Variants in PRKN observed in about 807,000 individuals in gnomAD.
PRKN encodes the protein E3 ubiquitin-protein ligase parkin.
In PRKN, 56 loss-of-function variants were observed where a neutral mutation model predicts 59.5. That is an observed-to-expected ratio of 0.94 (90% confidence interval 0.76 to 1.18). The LOEUF is 1.18. PRKN is among the 50% of genes most tolerant of loss of function. The pLI is 0.00. For synonymous variants in PRKN, 250 were observed against 222.1 expected, an observed-to-expected ratio of 1.13 and a Z score of -1.12; for missense variants, 657 against 596.4, an observed-to-expected ratio of 1.10 and a Z score of -1.06.
At chr6:161,818,570 G>A (rs1791887632) in intron 6 of PRKN, among the ~76,000 whole-genome samples, 1 of 151,992 alleles carries the variant, frequency 6.6e-6, no homozygotes, top group Non-Finnish European at 1.5e-5. Context: ...CTGGACTAAA[G>A]CGATCCTCCT....
chr6:162,160,866 G>C (rs1308901666), intron 4 of PRKN, among the ~76,000 whole-genome samples: 2 of 122,728 alleles, frequency 1.6e-5, no homozygotes, highest in African/African-American at 6.3e-5. Flanking sequence ...ACTCCAGCCT[G>C]GGCAACACAG....
chr6:161,535,825 T>C (rs1210234954), intron 9 of PRKN, among the ~76,000 whole-genome samples: 1 of 152,120 alleles, frequency 6.6e-6, no homozygotes, highest in Non-Finnish European at 1.5e-5. Context: ...AGACATTTTA[T>C]GAGAGAGAGA....
chr6:162,352,370 C>A (rs1018981305), intron 2 of PRKN, among the ~76,000 whole-genome samples: 5 of 152,176 alleles, frequency 3.3e-5, no homozygotes, highest in Admixed American at 3.3e-4. Flanking sequence ...AAGCATACAA[C>A]AGAAAAGGCT....
intron 3 of PRKN, among the ~76,000 whole-genome samples, chr6:162,213,257 T>C (rs1431861457): frequency 1.3e-5 from 2 of 152,050 alleles, no homozygotes; most frequent in Non-Finnish European, 2.9e-5. Flanking sequence ...CAATAAATAT[T>C]GGGGGAAATC....
At chr6:161,874,639 T>C (rs1318165562) in intron 6 of PRKN, among the ~76,000 whole-genome samples, 1 of 10,868 alleles carries the variant, frequency 9.2e-5, no homozygotes, top group Non-Finnish European at 2.5e-4. Flanking sequence ...TATAAATATA[T>C]ATTACATATA....
intron 1 of PRKN, among the ~76,000 whole-genome samples, chr6:162,686,990 T>G (rs534692203): frequency 1.0e-3 from 159 of 152,258 alleles, no homozygotes; most frequent in Non-Finnish European, 1.9e-3. Flanking sequence ...TGTTTTGTTT[T>G]GCTTAGGCTT....
intron 7 of PRKN, among the ~76,000 whole-genome samples, chr6:161,643,637 C>A (rs1783820670): frequency 6.6e-6 from 1 of 152,172 alleles, no homozygotes; most frequent in African/African-American, 2.4e-5. Context: ...AACTATCTCT[C>A]AATAGCTAAG....
intron 7 of PRKN, among the ~76,000 whole-genome samples, chr6:161,680,761 ATATATATATATATATTT>A (rs1234464712): frequency 2.8e-3 from 28 of 9,880 alleles, no homozygotes; most frequent in African/African-American, 7.4e-3. Flanking sequence ...ATATATATAT[ATATATATATATATATTT>A]TTTTTTTTTT....
At position 161,391,436 on chromosome 6, in the gene PRKN, G is replaced by GTT. The variant is rs11400095; in HGVS notation, c.1084-4561_1084-4560dup. Among the ~76,000 whole-genome samples the GTT allele has an allele frequency of 6.3e-5, 9 of 143,606 alleles. No homozygotes were observed. Among genetic ancestry groups the GTT allele is most frequent in the South Asian group, 2.2e-4 (1 of 4,522 alleles). The allele number at this position is 143,606 out of a possible 152,430, so 94.2% of individuals were successfully genotyped here. A position where few individuals can be genotyped will look rare whatever the true frequency, so the allele number is the denominator to read the frequency against. On this transcript the variant is annotated intron_variant, in intron 9 of 11. Transcript: ENST00000366898. This position sits in a 1 kb window ranked among gnomAD's most constrained non-coding sequence, Gnocchi z 4.9. The stretch of plus-strand genomic sequence containing the variant: ...AAATGTGATCCATTTCCGTAGAGTT[G>GTT]TTTTTTTTTTTCGAGAAATTTTAAA...
intron 2 of PRKN, among the ~76,000 whole-genome samples, chr6:162,295,953 G>C (rs1781654129): frequency 6.6e-6 from 1 of 152,204 alleles, no homozygotes; most frequent in South Asian, 2.1e-4. Flanking sequence ...GAAATTTTCG[G>C]ATGTTCCCAA....
At chr6:162,387,537 C>CAG (rs1169951618) in intron 2 of PRKN, among the ~76,000 whole-genome samples, 6 of 69,828 alleles carry the variant, frequency 8.6e-5, no homozygotes, top group African/African-American at 4.0e-4. Flanking sequence ...TCACAACACA[C>CAG]ACACACACAC....
chr6:162,661,402 G>C (rs1778874081), intron 1 of PRKN, among the ~76,000 whole-genome samples: 1 of 152,186 alleles, frequency 6.6e-6, no homozygotes. Flanking sequence ...GGAAGATACA[G>C]AGATTAAAAT....
intron 1 of PRKN, among the ~76,000 whole-genome samples, chr6:162,667,021 A>T (rs1255130836): frequency 1.3e-5 from 2 of 152,078 alleles, no homozygotes; most frequent in Non-Finnish European, 2.9e-5. Context: ...TTACTGCTAA[A>T]CTCTAATTAC....
At chr6:162,500,802 A>G (rs1397650438) in intron 1 of PRKN, among the ~76,000 whole-genome samples, 1 of 152,170 alleles carries the variant, frequency 6.6e-6, no homozygotes, top group Non-Finnish European at 1.5e-5. Context: ...AATGTACCTC[A>G]AAAACTATGT....
At chr6:162,593,147 G>T (rs917644672) in intron 1 of PRKN, among the ~76,000 whole-genome samples, 3 of 152,158 alleles carry the variant, frequency 2.0e-5, no homozygotes, top group Admixed American at 6.6e-5. Flanking sequence ...GGGTTAATTA[G>T]GAAGTATAAG....
In PRKN at chr6:161,413,908, C is replaced by T. The variant is rs1055627007; in HGVS notation, c.1084-27031G>A. 2.6e-5 allele frequency among the ~76,000 whole-genome samples: 4 copies of T among 152,082 alleles called. No homozygotes were observed. Among genetic ancestry groups the T allele is most frequent in the Admixed American group, 6.5e-5 (1 of 15,272 alleles). ...ACCCAGCTGCTGTTCCTTTCTCTTT[C>T]CTGCCTTCTGAAGAGGAGACTGTGG... On this transcript the variant is annotated intron_variant, in intron 9 of 11. Coordinates refer to ENST00000366898, the MANE Select transcript of PRKN (RefSeq NM_004562.3). The surrounding 1 kb of genome is among the most constrained non-coding windows in gnomAD (Gnocchi z 4.4).
At chr6:162,124,235 G>A (rs116848339) in intron 4 of PRKN, among the ~76,000 whole-genome samples, 1 of 152,130 alleles carries the variant, frequency 6.6e-6, no homozygotes, top group Non-Finnish European at 1.5e-5. Context: ...CACCAGGGCT[G>A]GTGGGAGCTT....
chr6:162,021,775 A>G (rs998127567), intron 5 of PRKN, among the ~76,000 whole-genome samples: 1 of 152,076 alleles, frequency 6.6e-6, no homozygotes, highest in South Asian at 2.1e-4. Context: ...GGTTTGGGCT[A>G]CCATTGAATC....
intron 9 of PRKN, among the ~76,000 whole-genome samples, chr6:161,450,655 C>G (rs1789690334): frequency 6.6e-6 from 1 of 152,094 alleles, no homozygotes; most frequent in South Asian, 2.1e-4. Flanking sequence ...CTCCCAGGTT[C>G]AAGTGATTCT....
Sources: allele counts gnomAD v4.1 joint callset (sites outside exome capture counted in the v4.1 genomes callset), GRCh38; gene constraint gnomAD v4.1.1; non-coding constraint Gnocchi (gnomAD v3.1); transcripts MANE v1.5; gene names NCBI Gene and HGNC (gene_info 2026-07-23, HGNC 2026-07-21).